Variants in RABGAP1 observed in about 807,000 individuals in gnomAD.
RABGAP1 encodes the protein rab GTPase-activating protein 1.
A neutral mutation model predicts 137.6 loss-of-function variants in RABGAP1; 23 were observed. That is an observed-to-expected ratio of 0.17 (90% CI 0.12 to 0.24). The LOEUF (loss-of-function observed/expected upper bound fraction) is 0.24, where lower values mean the gene tolerates loss of function less well. Ranked by LOEUF, RABGAP1 falls within the 10% of genes least tolerant of loss-of-function variation. The pLI is 1.00. For synonymous variants in RABGAP1, 451 were observed against 450.7 expected (o/e 1.00, Z -0.01); for missense variants, 906 against 1,275.8 (o/e 0.71, Z 4.42).
rs539885069 is a variant in RABGAP1 at position 123,015,655 on chromosome 9, G to GT, written c.1643+27dup. The GT allele has an allele frequency of 3.6e-5, 55 of 1,541,284 alleles. No individual in the cohort carries two copies. The highest frequency in any genetic ancestry group is 5.2e-5 in the Admixed American group (3 of 57,738). On this transcript the variant is annotated intron_variant, in intron 12 of 25. Coordinates refer to ENST00000373647, the MANE Select transcript of RABGAP1 (RefSeq NM_012197.4). The stretch of plus-strand genomic sequence containing the variant: ...CAAAATGGTAAGTTATGATAGAATA[G>GT]TTTTTTTTATCTGCAATTTTCATTT...
At chr9:122,993,622 G>GA (rs1382628738) in intron 6 of RABGAP1, among the ~76,000 whole-genome samples, 1 of 152,028 alleles carries the variant, frequency 6.6e-6, no homozygotes, top group African/African-American at 2.4e-5. Flanking sequence ...TTGCCCATGG[G>GA]AAAACTGAGC....
intron 1 of RABGAP1, among the ~76,000 whole-genome samples, chr9:122,950,007 A>G (rs980601513): frequency 1.3e-5 from 2 of 152,192 alleles, no homozygotes; most frequent in Non-Finnish European, 2.9e-5. Flanking sequence ...ATAAGACTAG[A>G]ATGGAAATTG....
chr9:123,085,702 G>A (rs2034842864), intron 19 of RABGAP1, among the ~76,000 whole-genome samples: 1 of 152,144 alleles, frequency 6.6e-6, no homozygotes, highest in Non-Finnish European at 1.5e-5. Context: ...AAAAAAATGA[G>A]TCTTGGACTT....
intron 19 of RABGAP1, among the ~76,000 whole-genome samples, chr9:123,079,238 TG>T (rs1195907614): frequency 2.7e-4 from 40 of 145,702 alleles, no homozygotes; most frequent in African/African-American, 8.8e-4. Context: ...TGTTTTGTTT[TG>T]TTTTTTTTTT....
chr9:123,100,384 TGTGTG>T (rs908664789), intron 24 of RABGAP1, among the ~76,000 whole-genome samples: 6 of 1,870 alleles, frequency 3.2e-3, no homozygotes, highest in African/African-American at 5.8e-3. Flanking sequence ...TTTAACCAGA[TGTGTG>T]TGTGTGTGTG....
At chr9:122,973,880 T>C (rs1835611079) in intron 2 of RABGAP1, among the ~76,000 whole-genome samples, 1 of 151,824 alleles carries the variant, frequency 6.6e-6, no homozygotes, top group African/African-American at 2.4e-5. Context: ...CGTGGTGGCA[T>C]GCACCTGTAA....
intron 13 of RABGAP1, among the ~76,000 whole-genome samples, chr9:123,057,498 G>A (rs575423440): frequency 4.6e-5 from 7 of 151,528 alleles, no homozygotes; most frequent in South Asian, 4.2e-4. Context: ...ATGGGATGGC[G>A]GTCGGGAAGA....
At chr9:123,002,748 A>G (rs150723982) in intron 10 of RABGAP1, among the ~76,000 whole-genome samples, 190 of 152,288 alleles carry the variant, frequency 1.2e-3, no homozygotes, top group African/African-American at 4.2e-3. Context: ...CATAACTTCT[A>G]TTAATAACTT....
At chr9:123,073,735 A>T in intron 16 of RABGAP1, 58 bp downstream of exon 16, 1 of 1,598,718 alleles carries the variant, frequency 6.3e-7, no homozygotes, top group Non-Finnish European at 8.5e-7. Flanking sequence ...AGGAGCACCA[A>T]ATTGAGGAAA....
intron 6 of RABGAP1, chr9:122,990,840 C>T (rs1285023222): frequency 1.2e-5 from 1 of 84,180 alleles, no homozygotes; most frequent in Non-Finnish European, 2.3e-5. Flanking sequence ...TATATATGGC[C>T]AAAGCTTAGT....
At chr9:123,055,217 G>A (rs1375941999) in intron 13 of RABGAP1, among the ~76,000 whole-genome samples, 2 of 152,048 alleles carry the variant, frequency 1.3e-5, no homozygotes, top group Middle Eastern at 3.2e-3. Context: ...CTGAAAGTAG[G>A]GTCTTGTTCT....
intron 1 of RABGAP1, among the ~76,000 whole-genome samples, chr9:122,947,413 C>T (rs1157249508): frequency 6.6e-6 from 1 of 152,168 alleles, no homozygotes; most frequent in Non-Finnish European, 1.5e-5. Flanking sequence ...GTGATGGTTG[C>T]ATGACAATGT....
chr9:122,950,737 T>C (rs1834200904), intron 1 of RABGAP1, among the ~76,000 whole-genome samples: 1 of 152,070 alleles, frequency 6.6e-6, no homozygotes, highest in Non-Finnish European at 1.5e-5. Flanking sequence ...AAAAAGAAAA[T>C]ATAACACAAA....
intron 6 of RABGAP1, 105 bp downstream of exon 6, chr9:122,990,318 G>T: frequency 9.9e-7 from 1 of 1,012,562 alleles, no homozygotes; most frequent in Non-Finnish European, 1.3e-6. Context: ...TTAAAGGGAG[G>T]GCTTTTAAAA....
chr9:123,027,775 AGT>A (rs145029255), intron 13 of RABGAP1, among the ~76,000 whole-genome samples: 8 of 152,298 alleles, frequency 5.3e-5, no homozygotes, highest in Non-Finnish European at 1.2e-4. Context: ...AAAATCAGAC[AGT>A]GTGTTTGAGT....
rs531722708 is a variant in RABGAP1 at position 122,953,930 on chromosome 9, C to T, written c.-49-3081C>T. ...AGGTGCTAGGGGTCCAACACTTAAT[C>T]AGACATAAAAAAGCCTGCCCTCATG... On this transcript the variant is annotated intron_variant, in intron 1 of 25. Transcript: ENST00000373647. Among the ~76,000 whole-genome samples the T allele has an allele frequency of 2.5e-4, 38 of 152,288 alleles. 1 individual carries two copies. In the South Asian group the frequency reaches 7.9e-3, roughly 32 times the overall value.
rs751312197 is a variant in RABGAP1, at chr9:122,984,663, C to G, written c.329C>G (p.Pro110Arg). The G allele has an allele frequency of 6.2e-7, 1 of 1,614,158 alleles. No homozygotes were observed. Among genetic ancestry groups the G allele is most frequent in the Non-Finnish European group, 8.5e-7 (1 of 1,180,026 alleles). The change falls in exon 3 of 26, where the codon CCA becomes CGA. Residue 110 changes from proline (P) to arginine (R), a missense_variant. Pro to Arg is a moderately radical substitution (Grantham distance 103). Transcript: ENST00000373647. ...GCTTCATCCACCATTAACCCTGTGC[C>G]ATTAGTAGGGCTCCAAAAACCAGAG... ...LSASSTINPV[P>R]LVGLQKPEMS...
At chr9:122,940,351 C>G (rs1164536159), upstream of RABGAP1, 1 of 152,226 alleles carries the variant, frequency 6.6e-6, no homozygotes, top group Admixed American at 6.5e-5. Context: ...TTGTCCATTT[C>G]TGTCCTCTTG....
intron 21 of RABGAP1, among the ~76,000 whole-genome samples, chr9:123,096,365 A>G (rs531929463): frequency 2.0e-5 from 3 of 149,410 alleles, no homozygotes; most frequent in Non-Finnish European, 4.4e-5. Flanking sequence ...ACACAATACC[A>G]TGAAAACTGG....
Sources: gnomAD v4.1 joint callset for allele counts (sites outside exome capture counted in the v4.1 genomes callset) on GRCh38, gnomAD v4.1.1 for gene constraint, MANE v1.5 for transcripts, NCBI Gene and HGNC (gene_info 2026-07-23, HGNC 2026-07-21) for gene names.